The following SMAD4 variants were observed in gnomAD, a reference collection of about 807,000 sequenced individuals.
SMAD4 encodes the protein MAD homolog 4.
A neutral mutation model predicts 63.2 loss-of-function variants in SMAD4; 7 were observed. The observed-to-expected ratio is 0.11, with a 90% CI of 0.06 to 0.21. The LOEUF (loss-of-function observed/expected upper bound fraction) is 0.21, where lower values mean the gene tolerates loss of function less well. Ranked by LOEUF, SMAD4 falls within the 10% of genes least tolerant of loss-of-function variation. The pLI is 1.00. For synonymous variants in SMAD4, 215 were observed against 235.4 expected (o/e 0.91, Z 0.79); for missense variants, 312 against 693.8 (o/e 0.45, Z 6.18).
intron 10 of SMAD4, among the ~76,000 whole-genome samples, chr18:51,076,359 CA>C (rs1449363512): frequency 2.6e-5 from 4 of 152,096 alleles, no homozygotes; most frequent in African/African-American, 9.7e-5. Context: ...TCCACAAGGA[CA>C]GTAATAGCTG....
intron 1 of SMAD4, among the ~76,000 whole-genome samples, chr18:51,037,130 G>T (rs1187554735): frequency 6.6e-6 from 1 of 152,192 alleles, no homozygotes; most frequent in African/African-American, 2.4e-5. Flanking sequence ...GTTGCAGTGA[G>T]CTGAGATTGT....
Position 51,054,999 on chromosome 18 carries a change from T to C in SMAD4, c.667+6T>C, listed in dbSNP as rs1060500745. ...CATTCCTGTGGCTTCCACAAGTGAG[T>C]TCTAGAATCAGATGTAGTCAGCAAG... On this transcript the variant is annotated splice_donor_region_variant and intron_variant, in intron 5 of 11. Coordinates refer to ENST00000342988, the MANE Select transcript of SMAD4 (RefSeq NM_005359.6). The C allele has an allele frequency of 1.2e-6, 2 of 1,604,668 alleles. No homozygotes were observed. The highest frequency in any genetic ancestry group is 1.7e-6 in the Non-Finnish European group (2 of 1,172,290).
chr18:51,032,301 G>A (rs564473370), intron 1 of SMAD4, among the ~76,000 whole-genome samples: 3 of 152,186 alleles, frequency 2.0e-5, no homozygotes, highest in East Asian at 3.9e-4. Context: ...AAGTGGGAGT[G>A]TATGTTTCTG....
chr18:51,050,913 T>C (rs1020722547), intron 4 of SMAD4, among the ~76,000 whole-genome samples: 1 of 152,130 alleles, frequency 6.6e-6, no homozygotes, highest in Non-Finnish European at 1.5e-5. Flanking sequence ...AGTAGGTTTC[T>C]GACAAGTGTG....
At chr18:51,077,512 T>C (rs1177370617) in intron 11 of SMAD4, 5 of 272,396 alleles carry the variant, frequency 1.8e-5, no homozygotes, top group Non-Finnish European at 2.8e-5. Flanking sequence ...CATTGTAATA[T>C]TGATGAATGC....
At chr18:51,046,188 C>T (rs1909537144) in intron 1 of SMAD4, among the ~76,000 whole-genome samples, 1 of 152,120 alleles carries the variant, frequency 6.6e-6, no homozygotes, top group South Asian at 2.1e-4. Context: ...TAATACCAGA[C>T]TGTTTTCCAA....
intron 4 of SMAD4, chr18:51,052,721 C>G (rs1909742470): frequency 4.8e-6 from 1 of 210,426 alleles, no homozygotes; most frequent in Non-Finnish European, 1.0e-5. Flanking sequence ...TCCCCCCTAC[C>G]TCAGGTAATC....
chr18:51,038,365 C>T (rs1010767756), intron 1 of SMAD4, among the ~76,000 whole-genome samples: 9 of 152,034 alleles, frequency 5.9e-5, no homozygotes, highest in East Asian at 1.9e-4. Context: ...CATGGGTAGG[C>T]GATCCGTTCA....
At chr18:51,076,438 A>T (rs1161233704) in intron 10 of SMAD4, among the ~76,000 whole-genome samples, 200 bp from the exon 11 acceptor site, 1 of 152,212 alleles carries the variant, frequency 6.6e-6, no homozygotes, top group South Asian at 2.1e-4. Context: ...TGTTGACATG[A>T]TCTTCTTGGT....
intron 3 of SMAD4, 139 bp from the exon 4 acceptor site, chr18:51,049,156 G>A (rs1028902012): frequency 3.9e-5 from 27 of 700,322 alleles, no homozygotes; most frequent in African/African-American, 8.9e-5. Flanking sequence ...GTTAGATAGC[G>A]TTTATGCTAC....
At position 51,058,240 on chromosome 18, in the gene SMAD4, T is replaced by C. The variant is rs2144427768; in HGVS notation, c.783T>C (p.His261=). 1 of 1,614,146 alleles carries C rather than the reference T, an allele frequency of 6.2e-7. No individual in the cohort carries two copies. Among genetic ancestry groups the C allele is most frequent in the Non-Finnish European group, 8.5e-7 (1 of 1,180,008 alleles). Residue 261 remains histidine, a synonymous_variant, in exon 6 of 12, where the codon CAT becomes CAC. Transcript: ENST00000342988. Reference sequence around the variant, plus strand: ...TTACTGGTCAGCCAGCTACTTACCATCATAGTATGTACATACTTTAAAAAA... The same window carrying C: ...TTACTGGTCAGCCAGCTACTTACCACCATAGTATGTACATACTTTAAAAAA... ...NGFTGQPATY[H]HNSTTTWTGS... is the part of the protein sequence containing the mutation.
chr18:51,067,540 G>A (rs760556507), intron 10 of SMAD4, among the ~76,000 whole-genome samples: 12 of 152,054 alleles, frequency 7.9e-5, no homozygotes, highest in Non-Finnish European at 1.8e-4. Context: ...AGCATCCCAA[G>A]TAGCTGGGAT....
intron 1 of SMAD4, among the ~76,000 whole-genome samples, chr18:51,039,836 G>A (rs117817333): frequency 1.0e-3 from 159 of 152,010 alleles, no homozygotes; most frequent in Non-Finnish European, 1.8e-3. Context: ...AAGACACATA[G>A]GTAAACAAGA....
chr18:51,071,281 TACAC>T (rs150437859), intron 10 of SMAD4, among the ~76,000 whole-genome samples: 29 of 149,762 alleles, frequency 1.9e-4, no homozygotes, highest in African/African-American at 3.4e-4. Flanking sequence ...CACACACACA[TACAC>T]ACACACACAC....
intron 1 of SMAD4, among the ~76,000 whole-genome samples, chr18:51,044,228 T>G (rs1351563311): frequency 6.6e-6 from 1 of 152,054 alleles, no homozygotes; most frequent in East Asian, 1.9e-4. Context: ...CACAGCAGCC[T>G]TCAACTCCTG....
At chr18:51,034,413 ATTT>A (rs1376491327) in intron 1 of SMAD4, among the ~76,000 whole-genome samples, 1 of 151,630 alleles carries the variant, frequency 6.6e-6, no homozygotes, top group Admixed American at 6.6e-5. Context: ...TGCCAAGCTA[ATTT>A]TTTTGTATTA....
rs544762312 is a variant in SMAD4 at position 51,084,158 on chromosome 18, T to C, written c.*5691T>C. ...TATTAAGGCTTTCGAGTCATGACAT[T>C]ATAGCTTTTGAGTTGGTGTGTGTGA... On this transcript the variant is annotated 3_prime_UTR_variant, in exon 12 of 12. Transcript: ENST00000342988. 44 of 221,370 alleles carry C rather than the reference T, an allele frequency of 2.0e-4. No individual in the cohort carries two copies. Among genetic ancestry groups the C allele is most frequent in the Middle Eastern group, 2.6e-3 (2 of 760 alleles). The allele number at this position is 221,370 out of a possible 1,614,324, so 13.7% of individuals were successfully genotyped here. A position where few individuals can be genotyped will look rare whatever the true frequency, so the allele number is the denominator to read the frequency against.
At position 51,082,479 on chromosome 18, in the gene SMAD4, T is replaced by C. The variant is rs1299901948; in HGVS notation, c.*4012T>C. On this transcript the variant is annotated 3_prime_UTR_variant, in exon 12 of 12. Transcript: ENST00000342988. ...TGTCCCAGTGCTGCTAGGTTGCTTATCTTGTTTATCTGGAATCACTGTGGA... is the reference window on the plus strand; with the variant it reads ...TGTCCCAGTGCTGCTAGGTTGCTTACCTTGTTTATCTGGAATCACTGTGGA... 1 of 229,192 alleles carries C rather than the reference T, an allele frequency of 4.4e-6. No homozygotes were observed. Among genetic ancestry groups the C allele is most frequent in the African/African-American group, 2.2e-5 (1 of 45,074 alleles). 14.2% of individuals were successfully genotyped at this position (229,192 alleles called of 1,614,324 possible). A position where few individuals can be genotyped will look rare whatever the true frequency, so the allele number is the denominator to read the frequency against.
At chr18:51,048,122 A>G (rs1364444418) in intron 2 of SMAD4, among the ~76,000 whole-genome samples, 1 of 152,192 alleles carries the variant, frequency 6.6e-6, no homozygotes, top group Non-Finnish European at 1.5e-5. Flanking sequence ...GACTTTACAC[A>G]TAGTTTCTGC....
Sources: allele counts gnomAD v4.1 joint callset (sites outside exome capture counted in the v4.1 genomes callset), GRCh38; gene constraint gnomAD v4.1.1; transcripts MANE v1.5; gene names NCBI Gene and HGNC (gene_info 2026-07-23, HGNC 2026-07-21).